SSBP2: variants seen among roughly 807,000 people sequenced by gnomAD.
SSBP2 encodes the protein single stranded DNA binding protein 2.
Under a neutral mutation model 61.8 loss-of-function variants are expected in SSBP2, and 17 were observed. The observed-to-expected ratio is 0.28, with a 90% CI of 0.19 to 0.41. SSBP2 has a LOEUF of 0.41. SSBP2 is among the 10% of genes least tolerant of loss of function. The pLI is 1.00. For missense variants in SSBP2, 310 were observed against 458.7 expected, an observed-to-expected ratio of 0.68 and a Z score of 2.96; for synonymous variants, 139 against 141.3, an observed-to-expected ratio of 0.98 and a Z score of 0.12.
rs568332959 is a variant in SSBP2, at chr5:81,582,293, TAA to T, written c.282+33178_282+33179del. 2.8e-4 allele frequency among the ~76,000 whole-genome samples: 43 copies of T among 152,278 alleles called. 1 individual carries two copies. In the East Asian group the frequency reaches 6.4e-3, roughly 23 times the overall value. On this transcript the variant is annotated intron_variant, in intron 4 of 16. Coordinates refer to ENST00000320672, the MANE Select transcript of SSBP2 (RefSeq NM_012446.5). ...TTTATTTTTATGAAATTCATGCTTTTAAGAATTCAGGATACAAAGGATGACAG... is the reference window on the plus strand; with the variant it reads ...TTTATTTTTATGAAATTCATGCTTTTGAATTCAGGATACAAAGGATGACAG...
intron 4 of SSBP2, among the ~76,000 whole-genome samples, chr5:81,515,359 T>C (rs577925954): frequency 1.6e-4 from 24 of 151,950 alleles, no homozygotes; most frequent in Middle Eastern, 6.8e-3. Context: ...GAATAGAAAA[T>C]TGTATAACAA....
At chr5:81,446,327 T>C (rs1391178613) in intron 12 of SSBP2, among the ~76,000 whole-genome samples, 1 of 152,210 alleles carries the variant, frequency 6.6e-6, no homozygotes, top group Non-Finnish European at 1.5e-5. Flanking sequence ...AAAAGGATTA[T>C]GAAAACATTG....
intron 1 of SSBP2, among the ~76,000 whole-genome samples, chr5:81,659,775 G>A (rs146845185): frequency 1.1e-3 from 167 of 152,088 alleles, no homozygotes; most frequent in African/African-American, 3.7e-3. Context: ...ATACTATAAC[G>A]CTATAGTATA....
intron 1 of SSBP2, among the ~76,000 whole-genome samples, chr5:81,679,904 T>A (rs1053985075): frequency 6.9e-6 from 1 of 145,964 alleles, no homozygotes; most frequent in African/African-American, 2.5e-5. Flanking sequence ...CCCTCACTAA[T>A]AAGAATGGGC....
chr5:81,751,316 C>G (rs1387807568), upstream of SSBP2: 1 of 554,308 alleles, frequency 1.8e-6, no homozygotes, highest in South Asian at 2.1e-5. Flanking sequence ...CCTTCCCTCT[C>G]CGCTCTCCTC....
intron 1 of SSBP2, among the ~76,000 whole-genome samples, chr5:81,748,295 A>G (rs1757482908): frequency 6.6e-6 from 1 of 152,224 alleles, no homozygotes; most frequent in Admixed American, 6.5e-5. Flanking sequence ...GAACAGTTCT[A>G]ATTTGCTTAC....
chr5:81,535,737 C>T (rs1422368360), intron 4 of SSBP2, among the ~76,000 whole-genome samples: 1 of 151,950 alleles, frequency 6.6e-6, no homozygotes, highest in Admixed American at 6.6e-5. Flanking sequence ...TAAACACAGA[C>T]CTTACACCCT....
intron 5 of SSBP2, among the ~76,000 whole-genome samples, chr5:81,512,813 A>G (rs1768716813): frequency 6.6e-6 from 1 of 152,162 alleles, no homozygotes; most frequent in South Asian, 2.1e-4. Context: ...AAATTAGTTT[A>G]TAAGTACCTA....
At chr5:81,734,107 G>A (rs7719738) in intron 1 of SSBP2, among the ~76,000 whole-genome samples, 3,792 of 152,086 alleles carry the variant, frequency 0.025, 172 homozygotes, top group African/African-American at 0.087. Flanking sequence ...GTTTTATTTG[G>A]GTTAAAGCTA....
chr5:81,577,926 A>T (rs78364357), intron 4 of SSBP2, among the ~76,000 whole-genome samples: 43 of 152,138 alleles, frequency 2.8e-4, no homozygotes, highest in African/African-American at 9.4e-4. Flanking sequence ...TGTACTAAAC[A>T]CATTACATGA....
intron 8 of SSBP2, among the ~76,000 whole-genome samples, chr5:81,470,708 T>C (rs1267258580): frequency 6.6e-6 from 1 of 151,946 alleles, no homozygotes; most frequent in Non-Finnish European, 1.5e-5. Flanking sequence ...TGCATAAATC[T>C]AGAGACAATA....
At chr5:81,594,899 TA>T (rs1743550078) in intron 4 of SSBP2, among the ~76,000 whole-genome samples, 1 of 152,008 alleles carries the variant, frequency 6.6e-6, no homozygotes, top group African/African-American at 2.4e-5. Context: ...AGGAAAGATC[TA>T]AAATTGACAC....
At chr5:81,470,762 C>A (rs1371018812) in intron 8 of SSBP2, among the ~76,000 whole-genome samples, 3 of 151,904 alleles carry the variant, frequency 2.0e-5, no homozygotes, top group African/African-American at 7.2e-5. Flanking sequence ...AGGCAGATAT[C>A]TTCTGCTCTT....
At chr5:81,622,096 TA>T (rs1218084233) in intron 3 of SSBP2, among the ~76,000 whole-genome samples, 1 of 140,650 alleles carries the variant, frequency 7.1e-6, no homozygotes, top group African/African-American at 2.7e-5. Flanking sequence ...CCCTAAAACT[TA>T]GAGTATAATA....
intron 6 of SSBP2, among the ~76,000 whole-genome samples, chr5:81,484,092 C>T (rs1766205750): frequency 6.6e-6 from 1 of 152,016 alleles, no homozygotes; most frequent in Non-Finnish European, 1.5e-5. Context: ...TAGGATGGTA[C>T]CTGGGACACA....
chr5:81,711,429 A>G (rs1561717500), intron 1 of SSBP2, among the ~76,000 whole-genome samples: 1 of 152,158 alleles, frequency 6.6e-6, no homozygotes, highest in African/African-American at 2.4e-5. Flanking sequence ...GAAATTTACC[A>G]TATGCTTAAA....
At chr5:81,502,794 G>T (rs1398016933) in intron 5 of SSBP2, among the ~76,000 whole-genome samples, 1 of 152,102 alleles carries the variant, frequency 6.6e-6, no homozygotes, top group Non-Finnish European at 1.5e-5. Context: ...ATCAAAATCT[G>T]TTGGATCAAA....
chr5:81,545,404 TAC>T (rs1451778334), intron 4 of SSBP2, among the ~76,000 whole-genome samples: 1 of 152,182 alleles, frequency 6.6e-6, no homozygotes, highest in African/African-American at 2.4e-5. Flanking sequence ...ATAAAAAACA[TAC>T]AAATACTATT....
At chr5:81,486,654 T>C (rs1268729058) in intron 6 of SSBP2, among the ~76,000 whole-genome samples, 2 of 152,182 alleles carry the variant, frequency 1.3e-5, no homozygotes, top group Admixed American at 6.6e-5. Flanking sequence ...CAGGCACCTA[T>C]ATAAGTAGAT....
Sources: allele counts gnomAD v4.1 joint callset (sites outside exome capture counted in the v4.1 genomes callset), GRCh38; gene constraint gnomAD v4.1.1; transcripts MANE v1.5; gene names NCBI Gene and HGNC (gene_info 2026-07-23, HGNC 2026-07-21).